The following TRPC4AP variants were observed in gnomAD, a reference collection of about 807,000 sequenced individuals.
The protein encoded by TRPC4AP is transient receptor potential cation channel subfamily C member 4 associated protein, also known as short transient receptor potential channel 4-associated protein.
TRPC4AP carries 45 observed loss-of-function variants against 99.0 expected under a neutral mutation model. The observed-to-expected ratio is 0.45, with a 90% CI of 0.36 to 0.58. TRPC4AP has a LOEUF of 0.58. TRPC4AP is among the 20% of genes least tolerant of loss of function. TRPC4AP has a pLI of 0.00. For missense variants in TRPC4AP, 879 were observed against 985.3 expected (o/e 0.89, Z 1.44); for synonymous variants, 408 against 385.8 (o/e 1.06, Z -0.67).
chr20:35,013,072 A>AC lies in TRPC4AP; in HGVS notation c.1351-7dup. ...TGTATCTTCAAGGTGATGTCCTGAA[A>AC]CACATGCACAGCCTCAATGTTAGGA... On this transcript the variant is annotated splice_polypyrimidine_tract_variant and splice_region_variant and intron_variant, in intron 10 of 18. Coordinates refer to ENST00000252015, the MANE Select transcript of TRPC4AP (RefSeq NM_015638.3). The AC allele has an allele frequency of 6.2e-7, 1 of 1,614,092 alleles. No individual in the cohort carries two copies. Among genetic ancestry groups the AC allele is most frequent in the Middle Eastern group, 1.7e-4 (1 of 6,060 alleles).
At chr20:35,086,596 T>G (rs1264699802) in intron 1 of TRPC4AP, among the ~76,000 whole-genome samples, 1 of 150,660 alleles carries the variant, frequency 6.6e-6, no homozygotes, top group Non-Finnish European at 1.5e-5. Flanking sequence ...TGAATAAGAC[T>G]TTATCCTAAT....
rs189147897 is a variant in TRPC4AP, at chr20:35,084,171, G to A, written c.169-5997C>T. 9.7e-4 allele frequency among the ~76,000 whole-genome samples: 146 copies of A among 151,154 alleles called. 1 individual carries two copies. The highest frequency in any genetic ancestry group is 2.9e-3 in the South Asian group (14 of 4,778). Reference sequence around the variant, plus strand: ...AAAAAAATTAGCCAGACTTGGTGGCGGGCACCTGTAATCCCAGCTACTCGG... The same window carrying A: ...AAAAAAATTAGCCAGACTTGGTGGCAGGCACCTGTAATCCCAGCTACTCGG... On this transcript the variant is annotated intron_variant, in intron 1 of 18. Coordinates refer to ENST00000252015, the MANE Select transcript of TRPC4AP (RefSeq NM_015638.3).
intron 2 of TRPC4AP, among the ~76,000 whole-genome samples, chr20:35,074,559 T>G (rs1267369515): frequency 4.6e-5 from 7 of 152,204 alleles, no homozygotes; most frequent in Admixed American, 4.6e-4. Flanking sequence ...GGTTGTTCAG[T>G]TTCCACGTAG....
chr20:35,021,041 T>C (rs2082874365), intron 9 of TRPC4AP, 149 bp downstream of exon 9: 14 of 833,616 alleles, frequency 1.7e-5, no homozygotes, highest in Non-Finnish European at 2.5e-5. Flanking sequence ...GGTTTCCTTA[T>C]AGGTAGAACA....
At chr20:35,028,671 TTC>T (rs1008412940) in intron 8 of TRPC4AP, among the ~76,000 whole-genome samples, 37 of 152,290 alleles carry the variant, frequency 2.4e-4, no homozygotes, top group African/African-American at 8.9e-4. Context: ...GGTTCTACAG[TTC>T]TCTGTTAGTC....
At chr20:35,013,595 A>G (rs1296323435) in intron 10 of TRPC4AP, among the ~76,000 whole-genome samples, 13 of 152,156 alleles carry the variant, frequency 8.5e-5, no homozygotes, top group Non-Finnish European at 1.8e-4. Context: ...CAACCAACCA[A>G]CAAACAAAAC....
At chr20:35,070,535 C>T (rs1263180319) in intron 2 of TRPC4AP, among the ~76,000 whole-genome samples, 2 of 152,096 alleles carry the variant, frequency 1.3e-5, no homozygotes, top group African/African-American at 2.4e-5. Flanking sequence ...CTCAGCCTCC[C>T]GAGTAGCTGG....
intron 1 of TRPC4AP, 25 bp from the exon 2 acceptor site, chr20:35,078,199 A>AT: frequency 1.2e-6 from 2 of 1,608,296 alleles, no homozygotes; most frequent in South Asian, 2.2e-5. Flanking sequence ...AAGAGAGAAC[A>AT]TATTATTGTA....
intron 6 of TRPC4AP, among the ~76,000 whole-genome samples, chr20:35,046,830 C>T (rs1181276807): frequency 6.6e-6 from 1 of 152,126 alleles, no homozygotes; most frequent in African/African-American, 2.4e-5. Flanking sequence ...TCCCACCACC[C>T]CCAGCCCACT....
At chr20:35,053,705 C>A (rs952375099) in intron 5 of TRPC4AP, among the ~76,000 whole-genome samples, 1 of 151,956 alleles carries the variant, frequency 6.6e-6, no homozygotes, top group East Asian at 1.9e-4. Context: ...GAGCTCAATA[C>A]GAAAAACAAG....
chr20:35,033,437 T>C (rs1010061813), intron 8 of TRPC4AP, among the ~76,000 whole-genome samples: 4 of 152,202 alleles, frequency 2.6e-5, no homozygotes, highest in African/African-American at 9.6e-5. Context: ...GCTCTTTCCA[T>C]GATCTCTCTG....
intron 2 of TRPC4AP, among the ~76,000 whole-genome samples, chr20:35,075,598 T>C (rs1422834252): frequency 6.6e-6 from 1 of 152,228 alleles, no homozygotes; most frequent in Non-Finnish European, 1.5e-5. Context: ...CACTCTCTTC[T>C]GGCTTGTAGA....
At chr20:35,080,772 A>C (rs1450032971) in intron 1 of TRPC4AP, among the ~76,000 whole-genome samples, 2 of 149,260 alleles carry the variant, frequency 1.3e-5, no homozygotes, top group Non-Finnish European at 3.0e-5. Flanking sequence ...AACTTTGTGC[A>C]TACAGTAAAA....
intron 6 of TRPC4AP, among the ~76,000 whole-genome samples, chr20:35,046,619 A>G (rs1459953432): frequency 6.6e-6 from 1 of 152,220 alleles, no homozygotes; most frequent in Non-Finnish European, 1.5e-5. Context: ...AGAAGCTCTC[A>G]TGAATCCCAT....
At chr20:35,091,435 G>A (rs1404887770) in intron 1 of TRPC4AP, among the ~76,000 whole-genome samples, 2 of 152,026 alleles carry the variant, frequency 1.3e-5, no homozygotes, top group Non-Finnish European at 2.9e-5. Flanking sequence ...CGTCATTTGA[G>A]GAAGTGATAT....
At chr20:35,036,270 C>G (rs1268242018) in intron 7 of TRPC4AP, among the ~76,000 whole-genome samples, 1 of 152,172 alleles carries the variant, frequency 6.6e-6, no homozygotes, top group African/African-American at 2.4e-5. Flanking sequence ...CCTGGAAGGA[C>G]AGAAAAGAAG....
At chr20:35,055,657 G>A (rs901249400) in intron 4 of TRPC4AP, among the ~76,000 whole-genome samples, 14 of 152,230 alleles carry the variant, frequency 9.2e-5, no homozygotes, top group Non-Finnish European at 2.1e-4. Flanking sequence ...GCATGCGCGT[G>A]TACCACGCCT....
chr20:35,086,495 ATGTGTATATATATG>A (rs2084866994), intron 1 of TRPC4AP, among the ~76,000 whole-genome samples: 2 of 109,158 alleles, frequency 1.8e-5, no homozygotes, highest in East Asian at 2.7e-4. Context: ...GTATATATAT[ATGTGTATATATATG>A]TGTGTGTGTG....
intron 8 of TRPC4AP, among the ~76,000 whole-genome samples, chr20:35,029,269 G>T (rs1321282502): frequency 1.3e-5 from 2 of 152,112 alleles, no homozygotes; most frequent in African/African-American, 4.8e-5. Context: ...TAAAAGTACA[G>T]CCTCTCCAGC....
Sources: allele counts gnomAD v4.1 joint callset (sites outside exome capture counted in the v4.1 genomes callset), GRCh38; gene constraint gnomAD v4.1.1; transcripts MANE v1.5; gene names NCBI Gene and HGNC (gene_info 2026-07-23, HGNC 2026-07-21).